HAPSTR1: variants seen among roughly 807,000 people sequenced by gnomAD.
HAPSTR1 encodes the protein HUWE1 associated protein modifying stress responses.
chr16:9,099,290 C>G, the HAPSTR1 span, among the ~76,000 whole-genome samples: 1 of 151,836 alleles, frequency 6.6e-6, no homozygotes, highest in African/African-American at 2.4e-5. Flanking sequence ...CTCTGCTTCC[C>G]AGGCTCAAGT....
At chr16:9,102,996 C>T in the HAPSTR1 span, 1 of 1,613,836 alleles carries the variant, frequency 6.2e-7, no homozygotes, top group Non-Finnish European at 8.5e-7. Flanking sequence ...AGCGTGGATA[C>T]CCATCAACGA....
At chr16:9,092,040 G>A in the HAPSTR1 span, 7 of 1,503,522 alleles carry the variant, frequency 4.7e-6, no homozygotes, top group East Asian at 2.8e-5. Flanking sequence ...GGGAGGCCGC[G>A]GAGGATGGAG....
chr16:9,118,448 C>T, the HAPSTR1 span: 1 of 152,558 alleles, frequency 6.6e-6, no homozygotes, highest in Non-Finnish European at 1.5e-5. Context: ...CATTCATTGA[C>T]TGGGTGGGAT....
At chr16:9,111,453 ACAATTAAGG>A in the HAPSTR1 span, 1 of 152,368 alleles carries the variant, frequency 6.6e-6, no homozygotes, top group Non-Finnish European at 1.5e-5. Flanking sequence ...CCTGAAAAGA[ACAATTAAGG>A]CAATTAAGAT....
chr16:9,113,802 G>C, the HAPSTR1 span, among the ~76,000 whole-genome samples: 1 of 152,222 alleles, frequency 6.6e-6, no homozygotes, highest in Non-Finnish European at 1.5e-5. Flanking sequence ...GTTTAGTCTT[G>C]CGGTAGAACT....
chr16:9,092,494 G>T, the HAPSTR1 span, among the ~76,000 whole-genome samples: 1 of 152,174 alleles, frequency 6.6e-6, no homozygotes, highest in Non-Finnish European at 1.5e-5. Flanking sequence ...GGGTAGCCCC[G>T]CTTTGGGGTG....
At chr16:9,115,450 A>C in the HAPSTR1 span, among the ~76,000 whole-genome samples, 92 of 152,310 alleles carry the variant, frequency 6.0e-4, 5 homozygotes, top group South Asian at 0.019. Flanking sequence ...CAGTGACGGT[A>C]GGTTTTTAAA....
the HAPSTR1 span, chr16:9,119,713 A>C: frequency 2.0e-5 from 3 of 152,372 alleles, no homozygotes; most frequent in Admixed American, 2.0e-4. Flanking sequence ...GCTTGTCTGC[A>C]GTTTTGTTTT....
At chr16:9,111,118 C>T in the HAPSTR1 span, 1 of 152,228 alleles carries the variant, frequency 6.6e-6, no homozygotes, top group African/African-American at 2.4e-5. Flanking sequence ...TAATTAGAAC[C>T]AACCTGTTGG....
the HAPSTR1 span, chr16:9,119,087 AC>A: frequency 1.3e-5 from 2 of 152,624 alleles, no homozygotes; most frequent in Non-Finnish European, 1.5e-5. Flanking sequence ...AGCATTTGTT[AC>A]TTTTTTCCAT....
At chr16:9,099,149 G>A in the HAPSTR1 span, among the ~76,000 whole-genome samples, 1 of 151,682 alleles carries the variant, frequency 6.6e-6, no homozygotes, top group Admixed American at 6.6e-5. Flanking sequence ...AGAAAAAAAA[G>A]GGAAATATGG....
chr16:9,116,979 T>C, the HAPSTR1 span: 1 of 1,581,940 alleles, frequency 6.3e-7, no homozygotes, highest in East Asian at 2.2e-5. Context: ...ATACTATAAT[T>C]GCAAAGGAAA....
At chr16:9,097,056 C>T in the HAPSTR1 span, among the ~76,000 whole-genome samples, 2 of 152,090 alleles carry the variant, frequency 1.3e-5, no homozygotes, top group African/African-American at 4.8e-5. Context: ...TCTCCTGCCT[C>T]AGCCTCCCCA....
chr16:9,109,385 A>T, the HAPSTR1 span: 1 of 152,200 alleles, frequency 6.6e-6, no homozygotes, highest in Non-Finnish European at 1.5e-5. Flanking sequence ...TTCACTCGGT[A>T]TGTTTATTCA....
chr16:9,108,089 A>G, the HAPSTR1 span: 1 of 152,170 alleles, frequency 6.6e-6, no homozygotes, highest in Admixed American at 6.5e-5. Context: ...AATTAGAACA[A>G]CTGAGACTTC....
chr16:9,114,479 G>A, the HAPSTR1 span, among the ~76,000 whole-genome samples: 1 of 152,200 alleles, frequency 6.6e-6, no homozygotes, highest in Non-Finnish European at 1.5e-5. Context: ...CTCACTCAGG[G>A]AGTGAATGTT....
At chr16:9,096,048 G>C in the HAPSTR1 span, among the ~76,000 whole-genome samples, 6 of 152,154 alleles carry the variant, frequency 3.9e-5, no homozygotes, top group Non-Finnish European at 7.3e-5. Flanking sequence ...TTGTGAGTTG[G>C]AGTCTACTGC....
the HAPSTR1 span, chr16:9,109,753 C>G: frequency 6.6e-6 from 1 of 152,176 alleles, no homozygotes; most frequent in African/African-American, 2.4e-5. Context: ...GGCAGTCTAG[C>G]CTTTAATGTA....
the HAPSTR1 span, chr16:9,103,348 T>A: frequency 7.3e-7 from 1 of 1,377,462 alleles, no homozygotes; most frequent in Admixed American, 2.6e-5. Context: ...GGTCCAGATA[T>A]ACTGTTTTTT....
Sources: gnomAD v4.1 joint callset for allele counts (sites outside exome capture counted in the v4.1 genomes callset) on GRCh38, gnomAD v4.1.1 for gene constraint, MANE v1.5 for transcripts, NCBI Gene and HGNC (gene_info 2026-07-23, HGNC 2026-07-21) for gene names.